Variants in LIPF observed in about 807,000 individuals in gnomAD.
LIPF encodes the protein lipase F, gastric type.
LIPF carries 25 observed loss-of-function variants against 38.0 expected under a neutral mutation model. The observed-to-expected ratio is 0.66, with a 90% confidence interval of 0.48 to 0.92. LIPF has a LOEUF of 0.92. Among genes scored for constraint, LIPF ranks in the 40% least tolerant of loss-of-function variants. The pLI, the probability that LIPF is intolerant of heterozygous loss-of-function variation, is 0.00. For missense variants in LIPF, 410 were observed against 469.9 expected (o/e 0.87, Z 1.18); for synonymous variants, 161 against 156.2 (o/e 1.03, Z -0.23).
At position 88,669,924 on chromosome 10, in the gene LIPF, C is replaced by T. The variant is rs962630698; in HGVS notation, c.510C>T (p.Gly170=). The change falls in exon 5 of 10, where the codon GGC becomes GGT. Residue 170 remains glycine (G), a synonymous_variant. Coordinates refer to ENST00000238983, the MANE Select transcript of LIPF (RefSeq NM_004190.4). The part of the protein sequence containing the change: ...KTGQKQLHYV[G]HSQGTTIGFI... ...GACAGAAGCAGCTACACTATGTTGGCCATTCCCAGGGCACCACCATTGGTA... is the reference window on the plus strand; with the variant it reads ...GACAGAAGCAGCTACACTATGTTGGTCATTCCCAGGGCACCACCATTGGTA... 1 of 1,611,678 alleles carries T rather than the reference C, an allele frequency of 6.2e-7. No homozygotes were observed. Among genetic ancestry groups the T allele is most frequent in the Non-Finnish European group, 8.5e-7 (1 of 1,178,102 alleles).
intron 7 of LIPF, among the ~76,000 whole-genome samples, chr10:88,674,255 G>A (rs974548557): frequency 6.6e-6 from 1 of 152,028 alleles, no homozygotes; most frequent in Admixed American, 6.5e-5. Context: ...AGCAAGCTCC[G>A]CCTCTTGGGT....
At chr10:88,676,055 A>G (rs944758174) in intron 8 of LIPF, among the ~76,000 whole-genome samples, 154 bp from the exon 9 acceptor site, 2 of 152,210 alleles carry the variant, frequency 1.3e-5, no homozygotes, top group African/African-American at 4.8e-5. Context: ...ACTTACATAA[A>G]TACCTTGTCC....
At chr10:88,675,282 T>C (rs1374946174) in intron 7 of LIPF, among the ~76,000 whole-genome samples, 1 of 152,196 alleles carries the variant, frequency 6.6e-6, no homozygotes, top group Non-Finnish European at 1.5e-5. Flanking sequence ...CAAATTAAAG[T>C]ATCTGTCTCC....
At chr10:88,677,299 T>G (rs917992270) in intron 9 of LIPF, among the ~76,000 whole-genome samples, 4 of 152,174 alleles carry the variant, frequency 2.6e-5, no homozygotes, top group Non-Finnish European at 5.9e-5. Context: ...CAGGCTTGCT[T>G]TGAGTCTCTC....
At chr10:88,674,714 C>A (rs1204117946) in intron 7 of LIPF, among the ~76,000 whole-genome samples, 1 of 152,136 alleles carries the variant, frequency 6.6e-6, no homozygotes, top group Non-Finnish European at 1.5e-5. Flanking sequence ...AAGCATATAG[C>A]ACATAGTAAT....
chr10:88,665,648 G>T lies in LIPF; in HGVS notation c.-12+1157G>T, dbSNP rs1841500159. The stretch of plus-strand genomic sequence containing the variant: ...AATGTTTGATGAAAGCCTCTGGTTT[G>T]AATGTTACAACACTACTGGTTAGTC... On this transcript the variant is annotated intron_variant, in intron 1 of 9. Transcript: ENST00000238983. The T allele has an allele frequency of 4.4e-6, 4 of 906,672 alleles. No individual in the cohort carries two copies. In the Admixed American group the frequency reaches 6.0e-5, roughly 14 times the overall value. 56.2% of individuals were successfully genotyped at this position (906,672 alleles called of 1,614,324 possible). A position where few individuals can be genotyped will look rare whatever the true frequency, so the allele number is the denominator to read the frequency against.
chr10:88,676,239 G>T lies in LIPF; in HGVS notation c.919G>T (p.Asp307Tyr). The change falls in exon 9 of 10, where the codon GAC becomes TAC. Residue 307 changes from aspartate (D) to tyrosine (Y), a missense_variant. Transcript: ENST00000238983. ...AVKSGKFQAY[D>Y]WGSPVQNRMH... ...TAAGTCTGGGAAATTCCAAGCTTATGACTGGGGAAGCCCAGTTCAGAATAG... is the reference window on the plus strand; with the variant it reads ...TAAGTCTGGGAAATTCCAAGCTTATTACTGGGGAAGCCCAGTTCAGAATAG... The T allele has an allele frequency of 6.2e-7, 1 of 1,609,200 alleles. No individual in the cohort carries two copies. Among genetic ancestry groups the T allele is most frequent in the South Asian group, 1.1e-5 (1 of 90,412 alleles).
chr10:88,670,062 C>A (rs1841572038), intron 5 of LIPF, 116 bp downstream of exon 5: 2 of 680,792 alleles, frequency 2.9e-6, no homozygotes, highest in Non-Finnish European at 5.3e-6. Flanking sequence ...ATGCCTCCAA[C>A]AACACAATGA....
At chr10:88,672,080 A>G in intron 6 of LIPF, 115 bp downstream of exon 6, 2 of 1,021,932 alleles carry the variant, frequency 2.0e-6, no homozygotes, top group Non-Finnish European at 1.4e-6. Context: ...ATATCCAAAA[A>G]TGGAACTGTT....
intron 3 of LIPF, 111 bp downstream of exon 3, chr10:88,667,797 C>A (rs1289131075): frequency 3.4e-6 from 2 of 580,956 alleles, no homozygotes; most frequent in East Asian, 2.7e-5. Flanking sequence ...TTGTTCTTCC[C>A]TTTTTCCTCC....
chr10:88,678,353 G>A (rs188955580), intron 9 of LIPF, 92 bp from the exon 10 acceptor site: 116 of 913,838 alleles, frequency 1.3e-4, no homozygotes, highest in Middle Eastern at 2.2e-4. Context: ...TTATAAAACC[G>A]CCAGTTAATG....
intron 2 of LIPF, 52 bp from the exon 3 acceptor site, chr10:88,667,517 A>T: frequency 9.2e-7 from 1 of 1,091,966 alleles, no homozygotes; most frequent in Admixed American, 1.9e-5. Flanking sequence ...TTCATTTATT[A>T]GATATATCTA....
chr10:88,667,628 T>C lies in LIPF; in HGVS notation c.165T>C (p.Asp55=), dbSNP rs765804010. The change falls in exon 3 of 10, where the codon GAT becomes GAC. Residue 55 remains aspartate, a synonymous_variant. Coordinates refer to ENST00000238983, the MANE Select transcript of LIPF (RefSeq NM_004190.4). ...PNEEYEVVTE[D]GYILEVNRIP... is the part of the protein sequence containing the mutation. The stretch of plus-strand genomic sequence containing the variant: ...AAGAATATGAAGTTGTGACTGAAGA[T>C]GGTTATATTCTTGAAGTCAATAGAA... The C allele has an allele frequency of 2.5e-6, 4 of 1,601,196 alleles. No homozygotes were observed. The highest frequency in any genetic ancestry group is 1.1e-5 in the South Asian group (1 of 90,530).
intron 1 of LIPF, among the ~76,000 whole-genome samples, chr10:88,665,915 T>C (rs11202803): frequency 0.063 from 9,626 of 152,020 alleles, 433 homozygotes; most frequent in African/African-American, 0.12. Flanking sequence ...TTTTTTGTAT[T>C]TTTAGTAGAG....
chr10:88,666,544 T>C (rs1309477762), intron 1 of LIPF, among the ~76,000 whole-genome samples: 2 of 152,262 alleles, frequency 1.3e-5, no homozygotes, highest in South Asian at 4.1e-4. Context: ...AGTTCAGGTG[T>C]TGTGGGCCTA....
At chr10:88,672,576 G>A (rs957038384) in intron 6 of LIPF, among the ~76,000 whole-genome samples, 8 of 147,436 alleles carry the variant, frequency 5.4e-5, no homozygotes, top group Middle Eastern at 3.6e-3. Flanking sequence ...GGAATTAATC[G>A]TTTTGTTTGA....
rs757492514 is a variant in LIPF, at chr10:88,669,866, C to A, written c.452C>A (p.Pro151Gln). ...GATGAAATGGCTAAATATGACCTTC[C>A]AGCCACAATCGACTTCATTGTAAAG... Reference protein sequence around the residue: ...SFDEMAKYDLPATIDFIVKKT... With the variant: ...SFDEMAKYDLQATIDFIVKKT... Residue 151 changes from proline to glutamine, a missense_variant, in exon 5 of 10, where the codon CCA (proline) becomes CAA (glutamine). Pro to Gln is a moderately conservative substitution (Grantham distance 76). Coordinates refer to ENST00000238983, the MANE Select transcript of LIPF (RefSeq NM_004190.4). The A allele has an allele frequency of 5.0e-6, 8 of 1,612,966 alleles. No individual in the cohort carries two copies. Among genetic ancestry groups the A allele is most frequent in the Non-Finnish European group, 5.9e-6 (7 of 1,179,210 alleles).
Position 88,671,888 on chromosome 10 carries a change from C to G in LIPF, c.592C>G (p.Leu198Val). The part of the protein sequence containing the change: ...LAKRIKTFYA[L>V]APVATVKYTK... The stretch of plus-strand genomic sequence containing the variant: ...TAAAAGAATCAAAACCTTCTATGCT[C>G]TAGCTCCTGTTGCCACTGTGAAGTA... Residue 198 changes from leucine to valine, a missense_variant, in exon 6 of 10, where the codon CTA becomes GTA. Transcript: ENST00000238983. 2.5e-6 allele frequency: 4 copies of G among 1,613,634 alleles called. No individual in the cohort carries two copies. The highest frequency in any genetic ancestry group is 3.4e-6 in the Non-Finnish European group (4 of 1,179,736).
intron 1 of LIPF, chr10:88,665,553 G>A (rs1038966983): frequency 1.2e-5 from 18 of 1,534,674 alleles, no homozygotes; most frequent in Middle Eastern, 1.7e-4. Flanking sequence ...GTTCTCCAAC[G>A]CAAACAGTAG....
Sources: gnomAD v4.1 joint callset for allele counts (sites outside exome capture counted in the v4.1 genomes callset) on GRCh38, gnomAD v4.1.1 for gene constraint, MANE v1.5 for transcripts, NCBI Gene and HGNC (gene_info 2026-07-23, HGNC 2026-07-21) for gene names.